The following BICC1 variants were observed in gnomAD, a reference collection of about 807,000 sequenced individuals.
BICC1 encodes protein bicaudal C homolog 1.
Under a neutral mutation model 111.0 loss-of-function variants are expected in BICC1, and 43 were observed. The ratio of observed to expected loss-of-function variants is 0.39; its 90% CI spans 0.30 to 0.50. The LOEUF is 0.50. BICC1 is among the 20% of genes least tolerant of loss of function. BICC1 has a pLI of 0.88. For missense variants in BICC1, 1,091 were observed against 1,203.2 expected (o/e 0.91, Z 1.38); for synonymous variants, 467 against 434.4 (o/e 1.07, Z -0.93).
chr10:58,567,405 G>GAT (rs201294786), intron 1 of BICC1, among the ~76,000 whole-genome samples: 11 of 151,342 alleles, frequency 7.3e-5, no homozygotes, highest in East Asian at 1.9e-4. Flanking sequence ...TTTTAGGGGA[G>GAT]ATATATATAT....
intron 1 of BICC1, among the ~76,000 whole-genome samples, chr10:58,554,894 A>G (rs1344611844): frequency 6.7e-6 from 1 of 149,856 alleles, no homozygotes; most frequent in African/African-American, 2.5e-5. Flanking sequence ...ATATATTAAT[A>G]TTTTACTATT....
At chr10:58,528,698 C>G (rs1018458162) in intron 1 of BICC1, among the ~76,000 whole-genome samples, 1 of 151,936 alleles carries the variant, frequency 6.6e-6, no homozygotes, top group African/African-American at 2.4e-5. Flanking sequence ...ATGACCCAGT[C>G]TTGCCACTGA....
chr10:58,826,244 A>G (rs1026409078), intron 20 of BICC1, among the ~76,000 whole-genome samples: 2 of 152,206 alleles, frequency 1.3e-5, no homozygotes, highest in Admixed American at 1.3e-4. Flanking sequence ...AATGACAACA[A>G]AAGATGGTAT....
intron 2 of BICC1, among the ~76,000 whole-genome samples, chr10:58,698,092 C>A (rs1564560840): frequency 6.6e-6 from 1 of 152,158 alleles, no homozygotes. Flanking sequence ...ATTTTGACTT[C>A]CCGAAAGTGA....
At chr10:58,826,951 TG>T (rs1285097534) in intron 20 of BICC1, among the ~76,000 whole-genome samples, 1 of 152,196 alleles carries the variant, frequency 6.6e-6, no homozygotes, top group African/African-American at 2.4e-5. Flanking sequence ...CAAGAAGGCA[TG>T]GATAACAAGA....
At chr10:58,735,961 C>T (rs1320686977) in intron 3 of BICC1, among the ~76,000 whole-genome samples, 1 of 152,178 alleles carries the variant, frequency 6.6e-6, no homozygotes, top group Non-Finnish European at 1.5e-5. Flanking sequence ...GCAGGAGTTT[C>T]CCTTGAGCCC....
At chr10:58,690,838 G>T (rs1425648459) in intron 2 of BICC1, among the ~76,000 whole-genome samples, 2 of 152,148 alleles carry the variant, frequency 1.3e-5, no homozygotes, top group African/African-American at 4.8e-5. Flanking sequence ...AAAAAAGCAT[G>T]TGTGAATCTA....
At chr10:58,694,769 C>T (rs1331974135) in intron 2 of BICC1, among the ~76,000 whole-genome samples, 5 of 152,132 alleles carry the variant, frequency 3.3e-5, no homozygotes, top group Admixed American at 6.5e-5. Flanking sequence ...TGGGGGCTAT[C>T]TCTGGGTCAT....
At chr10:58,747,690 A>G (rs1841873546) in intron 3 of BICC1, among the ~76,000 whole-genome samples, 1 of 152,106 alleles carries the variant, frequency 6.6e-6, no homozygotes, top group African/African-American at 2.4e-5. Context: ...ATAAACCTTT[A>G]TATGCTCTTT....
intron 3 of BICC1, among the ~76,000 whole-genome samples, chr10:58,729,416 C>T (rs1841216702): frequency 6.6e-6 from 1 of 152,236 alleles, no homozygotes; most frequent in South Asian, 2.1e-4. Context: ...TTACCTCTCT[C>T]AGCCTTTAGA....
chr10:58,798,452 C>G lies in BICC1; in HGVS notation c.1420C>G (p.Leu474Val). 6.2e-7 allele frequency: 1 copy of G among 1,613,186 alleles called. No individual in the cohort carries two copies. The highest frequency in any genetic ancestry group is 8.5e-7 in the Non-Finnish European group (1 of 1,179,548). The change falls in exon 11 of 21, where the codon CTC (leucine) becomes GTC (valine). Residue 474 changes from leucine to valine, a missense_variant. Transcript: ENST00000373886. ...SLNTSTTPNS[L>V]LNALNSSVSP... ...GAACACTTCAACAACCCCAAACTCA[C>G]TCTTGAATGCTCTTAATAGCTCAGT...
At chr10:58,773,264 G>C (rs946481808) in intron 3 of BICC1, among the ~76,000 whole-genome samples, 1 of 152,132 alleles carries the variant, frequency 6.6e-6, no homozygotes, top group Admixed American at 6.5e-5. Context: ...TGCTTCTGTG[G>C]AGAAAGGAGA....
intron 1 of BICC1, among the ~76,000 whole-genome samples, chr10:58,531,210 A>G (rs1427222): frequency 0.46 from 69,389 of 151,230 alleles, 16,928 homozygotes; most frequent in Admixed American, 0.62. Flanking sequence ...GCATACTTTG[A>G]TTGCCTGGGG....
chr10:58,704,048 A>G (rs1840318645), intron 3 of BICC1, among the ~76,000 whole-genome samples: 1 of 152,202 alleles, frequency 6.6e-6, no homozygotes, highest in African/African-American at 2.4e-5. Flanking sequence ...AATAGATTTT[A>G]TTCATTGGTT....
At chr10:58,744,832 A>G (rs1358302331) in intron 3 of BICC1, among the ~76,000 whole-genome samples, 1 of 152,260 alleles carries the variant, frequency 6.6e-6, no homozygotes. Context: ...GTAATAGAGA[A>G]CATCTGGAGG....
intron 1 of BICC1, among the ~76,000 whole-genome samples, chr10:58,590,333 T>C (rs1844571293): frequency 6.6e-6 from 1 of 152,186 alleles, no homozygotes; most frequent in African/African-American, 2.4e-5. Flanking sequence ...AGATTGGATG[T>C]AAACTGCCTG....
chr10:58,715,445 TA>T, intron 3 of BICC1: 1 of 663,162 alleles, frequency 1.5e-6, no homozygotes, highest in Non-Finnish European at 2.7e-6. Context: ...TCTTAAAAAA[TA>T]AGCAGAGCAG....
At chr10:58,780,340 G>C (rs1263329688) in intron 3 of BICC1, among the ~76,000 whole-genome samples, 1 of 152,136 alleles carries the variant, frequency 6.6e-6, no homozygotes, top group African/African-American at 2.4e-5. Context: ...TTTATTGTGA[G>C]TGGGAGGCGG....
At chr10:58,676,095 G>T (rs540685703) in intron 2 of BICC1, among the ~76,000 whole-genome samples, 1 of 152,280 alleles carries the variant, frequency 6.6e-6, no homozygotes, top group South Asian at 2.1e-4. Flanking sequence ...ATCTGGCCCA[G>T]ATACTACATT....
Sources: gnomAD v4.1 joint callset for allele counts (sites outside exome capture counted in the v4.1 genomes callset) on GRCh38, gnomAD v4.1.1 for gene constraint, MANE v1.5 for transcripts, NCBI Gene and HGNC (gene_info 2026-07-23, HGNC 2026-07-21) for gene names.